The following CAV1 variants were observed in gnomAD, a reference collection of about 807,000 sequenced individuals.
CAV1 encodes the protein caveolin 1.
A neutral mutation model predicts 16.5 loss-of-function variants in CAV1; 10 were observed. That is an observed-to-expected ratio of 0.61 (90% confidence interval 0.37 to 1.03). CAV1 has a LOEUF of 1.03. Ranked by LOEUF, CAV1 falls within the 50% of genes least tolerant of loss-of-function variation. CAV1 has a pLI of 0.01. For synonymous variants in CAV1, 76 were observed against 85.1 expected (o/e 0.89, Z 0.59); for missense variants, 212 against 232.8 (o/e 0.91, Z 0.58).
chr7:116,545,809 T>A (rs928493180), intron 2 of CAV1, among the ~76,000 whole-genome samples: 4 of 152,276 alleles, frequency 2.6e-5, no homozygotes, highest in Admixed American at 1.3e-4. Context: ...TTTTCTTTAG[T>A]GTGGCAATCA....
At chr7:116,526,880 C>A in intron 2 of CAV1, 191 bp downstream of exon 2, 1 of 649,764 alleles carries the variant, frequency 1.5e-6, no homozygotes, top group Non-Finnish European at 2.8e-6. Context: ...GTTACATCTC[C>A]CTTCCCCCAT....
intron 2 of CAV1, among the ~76,000 whole-genome samples, chr7:116,532,783 CTAAAG>C (rs755640838): frequency 2.0e-5 from 3 of 152,146 alleles, no homozygotes; most frequent in Non-Finnish European, 2.9e-5. Flanking sequence ...TGTGGTGATT[CTAAAG>C]TAAAGACCGA....
At position 116,559,122 on chromosome 7, in the gene CAV1, C is replaced by T. The variant is rs1352976198; in HGVS notation, c.372C>T (p.Phe124=). Residue 124 remains phenylalanine, a synonymous_variant, in exon 3 of 3, where the codon TTC becomes TTT. Coordinates refer to ENST00000341049, the MANE Select transcript of CAV1 (RefSeq NM_001753.5). ...GCATTTACTTCGCCATTCTCTCTTT[C>T]CTGCACATCTGGGCAGTTGTACCAT... The part of the protein sequence containing the change: ...IWGIYFAILS[F]LHIWAVVPCI... 6.2e-7 allele frequency: 1 copy of T among 1,613,980 alleles called. No individual in the cohort carries two copies. Among genetic ancestry groups the T allele is most frequent in the Non-Finnish European group, 8.5e-7 (1 of 1,179,930 alleles).
At chr7:116,555,546 A>G (rs867330740) in intron 2 of CAV1, among the ~76,000 whole-genome samples, 806 of 33,616 alleles carry the variant, frequency 0.024, 90 homozygotes, top group African/African-American at 0.048. Context: ...GAGAGAGAGA[A>G]AGAAAGAAAG....
At chr7:116,539,778 T>G (rs1679182430) in intron 2 of CAV1, among the ~76,000 whole-genome samples, 1 of 152,144 alleles carries the variant, frequency 6.6e-6, no homozygotes, top group Non-Finnish European at 1.5e-5. Context: ...GCTAATCTCC[T>G]AGGTGTCTGG....
intron 2 of CAV1, among the ~76,000 whole-genome samples, chr7:116,550,572 A>G (rs1794138778): frequency 6.6e-6 from 1 of 152,178 alleles, no homozygotes; most frequent in African/African-American, 2.4e-5. Flanking sequence ...ATGTTCTGGT[A>G]ACATTTAATT....
intron 2 of CAV1, among the ~76,000 whole-genome samples, chr7:116,549,623 G>T (rs934165944): frequency 7.9e-5 from 12 of 151,830 alleles, no homozygotes; most frequent in Non-Finnish European, 1.5e-4. Flanking sequence ...GATAAAAGAG[G>T]ATGCTAAAAA....
At chr7:116,532,709 G>A (rs531968454) in intron 2 of CAV1, among the ~76,000 whole-genome samples, 1 of 152,326 alleles carries the variant, frequency 6.6e-6, no homozygotes, top group East Asian at 1.9e-4. Flanking sequence ...AGTGCAAGAG[G>A]ATTGTGCCAA....
intron 2 of CAV1, among the ~76,000 whole-genome samples, chr7:116,534,376 T>G (rs1260758098): frequency 2.4e-3 from 36 of 14,784 alleles, no homozygotes; most frequent in Non-Finnish European, 4.9e-3. Flanking sequence ...TATATATATA[T>G]ATATATATAT....
chr7:116,559,765 G>C lies in CAV1; in HGVS notation c.*478G>C. On this transcript the variant is annotated 3_prime_UTR_variant, in exon 3 of 3. Coordinates refer to ENST00000341049, the MANE Select transcript of CAV1 (RefSeq NM_001753.5). ...GCAAACTCTTTTCCCACTGTTTAAGGAGTTAGTGGATTACTGCCATTCACT... is the reference window on the plus strand; with the variant it reads ...GCAAACTCTTTTCCCACTGTTTAAGCAGTTAGTGGATTACTGCCATTCACT... 2.4e-6 allele frequency: 1 copy of C among 423,152 alleles called. No individual in the cohort carries two copies. Among genetic ancestry groups the C allele is most frequent in the Non-Finnish European group, 4.1e-6 (1 of 241,358 alleles). The allele number at this position is 423,152 out of a possible 1,614,324, so 26.2% of individuals were successfully genotyped here.
chr7:116,560,082 G>C lies in CAV1; in HGVS notation c.*795G>C, dbSNP rs747404134. On this transcript the variant is annotated 3_prime_UTR_variant, in exon 3 of 3. Transcript: ENST00000341049. ...TGCGTGTTTCTGACTCTGAGCTACAGAGTCTGGTGAAGCTCACTTCTGGGC... is the reference window on the plus strand; with the variant it reads ...TGCGTGTTTCTGACTCTGAGCTACACAGTCTGGTGAAGCTCACTTCTGGGC... 1 of 363,472 alleles carries C rather than the reference G, an allele frequency of 2.8e-6. No homozygotes were observed. The highest frequency in any genetic ancestry group is 4.9e-6 in the Non-Finnish European group (1 of 203,870). The allele number at this position is 363,472 out of a possible 1,614,324, so 22.5% of individuals were successfully genotyped here. A position where few individuals can be genotyped will look rare whatever the true frequency, so the allele number is the denominator to read the frequency against.
intron 2 of CAV1, among the ~76,000 whole-genome samples, chr7:116,536,276 C>T (rs367704168): frequency 8.6e-5 from 13 of 151,418 alleles, no homozygotes; most frequent in African/African-American, 3.2e-4. Flanking sequence ...AGCTCCACAA[C>T]TCCCAACAAC....
intron 2 of CAV1, 96 bp downstream of exon 2, chr7:116,526,785 C>T: frequency 7.3e-7 from 1 of 1,370,838 alleles, no homozygotes; most frequent in Admixed American, 1.9e-5. Context: ...ACGCACACCC[C>T]ACCCCGCCCC....
At chr7:116,530,854 C>T (rs543918512) in intron 2 of CAV1, among the ~76,000 whole-genome samples, 10 of 152,218 alleles carry the variant, frequency 6.6e-5, no homozygotes, top group South Asian at 6.2e-4. Context: ...CTGCAAGCAT[C>T]GGTGTGGTAT....
At chr7:116,539,007 A>T (rs1793883389) in intron 2 of CAV1, among the ~76,000 whole-genome samples, 1 of 152,140 alleles carries the variant, frequency 6.6e-6, no homozygotes, top group Non-Finnish European at 1.5e-5. Context: ...ACAATTCAAG[A>T]TGAGATTTGG....
intron 2 of CAV1, among the ~76,000 whole-genome samples, chr7:116,535,732 G>C (rs1584772920): frequency 6.6e-6 from 1 of 152,176 alleles, no homozygotes; most frequent in South Asian, 2.1e-4. Context: ...TGATGTTTCA[G>C]ATATGAAATA....
At chr7:116,538,907 C>T (rs554547948) in intron 2 of CAV1, among the ~76,000 whole-genome samples, 9 of 152,142 alleles carry the variant, frequency 5.9e-5, no homozygotes, top group African/African-American at 1.4e-4. Flanking sequence ...CATCAGATTT[C>T]GTGGGACTTA....
chr7:116,534,396 T>TATATATA (rs1491486855), intron 2 of CAV1, among the ~76,000 whole-genome samples: 3 of 7,278 alleles, frequency 4.1e-4, no homozygotes, highest in Non-Finnish European at 7.5e-4. Context: ...TATATATATA[T>TATATATA]TTTTTTTTTT....
intron 2 of CAV1, among the ~76,000 whole-genome samples, chr7:116,531,731 C>T (rs1793690463): frequency 6.6e-6 from 1 of 152,154 alleles, no homozygotes; most frequent in Non-Finnish European, 1.5e-5. Flanking sequence ...CAGATTGTCT[C>T]GGCACCATGT....
Sources: allele counts gnomAD v4.1 joint callset (sites outside exome capture counted in the v4.1 genomes callset), GRCh38; gene constraint gnomAD v4.1.1; transcripts MANE v1.5; gene names NCBI Gene and HGNC (gene_info 2026-07-23, HGNC 2026-07-21).